Variants in GRIA4 observed in about 807,000 individuals in gnomAD.
The protein encoded by GRIA4 is glutamate ionotropic receptor AMPA type subunit 4.
A neutral mutation model predicts 104.0 loss-of-function variants in GRIA4; 34 were observed. The ratio of observed to expected loss-of-function variants is 0.33; its 90% CI spans 0.25 to 0.44. The LOEUF is 0.44. Ranked by LOEUF, GRIA4 falls within the 20% of genes least tolerant of loss-of-function variation. The pLI is 1.00. For synonymous variants in GRIA4, 386 were observed against 381.9 expected (o/e 1.01, Z -0.13); for missense variants, 750 against 1,096.5 (o/e 0.68, Z 4.46).
At chr11:105,658,140 G>T (rs1951899065) in intron 3 of GRIA4, among the ~76,000 whole-genome samples, 1 of 151,656 alleles carries the variant, frequency 6.6e-6, no homozygotes, top group Non-Finnish European at 1.5e-5. Flanking sequence ...CACCTTAAAA[G>T]ATGTTTCAGT....
At chr11:105,804,183 A>G (rs918675802) in intron 4 of GRIA4, among the ~76,000 whole-genome samples, 1 of 151,972 alleles carries the variant, frequency 6.6e-6, no homozygotes, top group Non-Finnish European at 1.5e-5. Context: ...ATAGATTTAC[A>G]TGATATGACA....
intron 3 of GRIA4, among the ~76,000 whole-genome samples, chr11:105,630,388 AC>A (rs945909739): frequency 2.0e-5 from 3 of 151,902 alleles, no homozygotes; most frequent in Non-Finnish European, 4.4e-5. Flanking sequence ...ACATGGTGAG[AC>A]CCCGTCTCTA....
chr11:105,612,006 G>C (rs964472950), intron 2 of GRIA4, among the ~76,000 whole-genome samples: 1 of 152,244 alleles, frequency 6.6e-6, no homozygotes. Flanking sequence ...GGGAATCAGG[G>C]GGAGGGCAAG....
intron 14 of GRIA4, among the ~76,000 whole-genome samples, chr11:105,967,796 C>T (rs1363720602): frequency 1.3e-5 from 2 of 151,720 alleles, no homozygotes; most frequent in Non-Finnish European, 2.9e-5. Flanking sequence ...ATACCCTACT[C>T]TGCATTTGTC....
At chr11:105,944,965 A>G (rs750235448) in intron 14 of GRIA4, among the ~76,000 whole-genome samples, 3 of 152,208 alleles carry the variant, frequency 2.0e-5, no homozygotes, top group Admixed American at 6.5e-5. Context: ...GCTAATGACC[A>G]TTTAATTCCT....
At chr11:105,884,635 CCAAGCTCT>C (rs1946187282) in intron 5 of GRIA4, among the ~76,000 whole-genome samples, 1 of 152,160 alleles carries the variant, frequency 6.6e-6, no homozygotes, top group Non-Finnish European at 1.5e-5. Context: ...TCCCTGCTCC[CCAAGCTCT>C]CAGTTACCAG....
At chr11:105,677,242 C>G (rs183864895) in intron 3 of GRIA4, among the ~76,000 whole-genome samples, 1 of 151,966 alleles carries the variant, frequency 6.6e-6, no homozygotes, top group East Asian at 1.9e-4. Flanking sequence ...TTTGCACAAT[C>G]TCTCTGACTC....
intron 5 of GRIA4, among the ~76,000 whole-genome samples, chr11:105,875,250 C>T (rs1332168027): frequency 6.6e-6 from 1 of 152,208 alleles, no homozygotes; most frequent in African/African-American, 2.4e-5. Context: ...AGCCTCACAT[C>T]TCAGGGATGA....
intron 5 of GRIA4, among the ~76,000 whole-genome samples, chr11:105,886,672 C>A (rs1196600630): frequency 6.6e-6 from 1 of 151,990 alleles, no homozygotes; most frequent in Non-Finnish European, 1.5e-5. Context: ...AATGAACGTA[C>A]CTGAAAATTG....
rs538683317 is a variant in GRIA4, at chr11:105,736,740, C to T, written c.248-16241C>T. 9.9e-5 allele frequency among the ~76,000 whole-genome samples: 15 copies of T among 151,778 alleles called. No homozygotes were observed. In the South Asian group the frequency reaches 3.1e-3, roughly 32 times the overall value. On this transcript the variant is annotated intron_variant, in intron 3 of 16. Transcript: ENST00000282499. ...GGCTATATTCTACTATAAAGTCTGA[C>T]CTTTTGGTTTTAAGGGATTCAAACT...
intron 4 of GRIA4, among the ~76,000 whole-genome samples, chr11:105,828,825 C>T (rs146048894): frequency 3.0e-4 from 46 of 152,094 alleles, no homozygotes; most frequent in Non-Finnish European, 5.7e-4. Flanking sequence ...TTGAGGACTA[C>T]TTCTTATTCC....
At chr11:105,803,953 GATTTGA>G (rs1942836006) in intron 4 of GRIA4, among the ~76,000 whole-genome samples, 1 of 150,136 alleles carries the variant, frequency 6.7e-6, no homozygotes, top group Non-Finnish European at 1.5e-5. Context: ...ACCTTTCTTA[GATTTGA>G]AAAAAAACAA....
At chr11:105,715,393 C>T (rs996582885) in intron 3 of GRIA4, among the ~76,000 whole-genome samples, 1 of 152,014 alleles carries the variant, frequency 6.6e-6, no homozygotes, top group South Asian at 2.1e-4. Flanking sequence ...ATGCTTAATC[C>T]CCACTGAAAA....
At chr11:105,787,384 A>G (rs1490802396) in intron 4 of GRIA4, among the ~76,000 whole-genome samples, 4 of 152,238 alleles carry the variant, frequency 2.6e-5, no homozygotes, top group African/African-American at 9.6e-5. Flanking sequence ...GTTATAAGTC[A>G]GAGAATTTAA....
Position 105,770,938 on chromosome 11 carries a change from G to C in GRIA4, c.487+17718G>C, listed in dbSNP as rs73540337. On this transcript the variant is annotated intron_variant, in intron 4 of 16. Transcript: ENST00000282499. Reference sequence around the variant, plus strand: ...ATAATTATTCCCTTCATCCAAGGCTGACTCTCCAAATGAGACCATATTTTC... The same window carrying C: ...ATAATTATTCCCTTCATCCAAGGCTCACTCTCCAAATGAGACCATATTTTC... Among the ~76,000 whole-genome samples, 274 of 152,058 alleles carry C rather than the reference G, an allele frequency of 1.8e-3. 2 individuals are homozygous for C. Among genetic ancestry groups the C allele is most frequent in the African/African-American group, 6.3e-3 (262 of 41,510 alleles).
chr11:105,847,674 T>C (rs566370895), intron 4 of GRIA4, among the ~76,000 whole-genome samples: 3 of 152,216 alleles, frequency 2.0e-5, no homozygotes, highest in Admixed American at 6.5e-5. Context: ...TACCTCCCTA[T>C]GGAAAGTTAT....
rs1947794117 is a variant in GRIA4, at chr11:105,928,888, A to G, written c.2046+1949A>G. ...TAGATAAGAGAATATATTAAGAGAA[A>G]TATAAGAATGGGGAAACCTGCTTCC... On this transcript the variant is annotated intron_variant, in intron 13 of 16. Coordinates refer to ENST00000282499, the MANE Select transcript of GRIA4 (RefSeq NM_000829.4). Among the ~76,000 whole-genome samples the G allele has an allele frequency of 3.3e-5, 5 of 152,206 alleles. No individual in the cohort carries two copies. In the South Asian group the frequency reaches 8.3e-4, roughly 25 times the overall value.
chr11:105,971,094 T>C (rs1272021541), intron 14 of GRIA4, among the ~76,000 whole-genome samples: 1 of 152,180 alleles, frequency 6.6e-6, no homozygotes, highest in Non-Finnish European at 1.5e-5. Flanking sequence ...AACCTGTCTG[T>C]CTTTTTTTGT....
chr11:105,855,569 T>C (rs1944980780), intron 4 of GRIA4, among the ~76,000 whole-genome samples: 1 of 152,160 alleles, frequency 6.6e-6, no homozygotes, highest in Non-Finnish European at 1.5e-5. Context: ...TTATGCTAGA[T>C]ATTTATTCTG....
Sources: allele counts gnomAD v4.1 joint callset (sites outside exome capture counted in the v4.1 genomes callset), GRCh38; gene constraint gnomAD v4.1.1; transcripts MANE v1.5; gene names NCBI Gene and HGNC (gene_info 2026-07-23, HGNC 2026-07-21).